IL1F10: variants seen among roughly 807,000 people sequenced by gnomAD.
IL1F10 encodes interleukin 1 family member 10.
Under a neutral mutation model 13.1 loss-of-function variants are expected in IL1F10, and 13 were observed. The observed-to-expected ratio is 0.99, with a 90% CI of 0.64 to 1.57. The LOEUF is 1.57. Among genes scored for constraint, IL1F10 ranks in the 40% most tolerant of loss-of-function variants. The probability of loss-of-function intolerance (pLI) is 0.00; values close to 1 mark genes in which losing one functional copy is unlikely to be tolerated. For missense variants in IL1F10, 191 were observed against 184.1 expected (o/e 1.04, Z -0.22); for synonymous variants, 78 against 68.2 (o/e 1.14, Z -0.71).
At chr2:113,072,612 C>T (rs997544235) in intron 1 of IL1F10, 99 bp from the exon 2 acceptor site, 12 of 731,016 alleles carry the variant, frequency 1.6e-5, no homozygotes, top group Middle Eastern at 2.6e-4. Context: ...GCCTGGGGAA[C>T]CCGTGCAGCC....
At chr2:113,070,022 G>A (rs1362618722) in intron 1 of IL1F10, among the ~76,000 whole-genome samples, 1 of 152,212 alleles carries the variant, frequency 6.6e-6, no homozygotes, top group Non-Finnish European at 1.5e-5. Context: ...CATGGGGAAA[G>A]CCCAAGTTTA....
intron 3 of IL1F10, 31 bp from the exon 4 acceptor site, chr2:113,074,692 T>C (rs753439628): frequency 6.2e-7 from 1 of 1,612,832 alleles, no homozygotes; most frequent in Admixed American, 1.7e-5. Flanking sequence ...GGTTCCCTTG[T>C]CCCTTGACTC....
intron 1 of IL1F10, among the ~76,000 whole-genome samples, chr2:113,071,546 G>A (rs1476828348): frequency 6.6e-6 from 1 of 152,156 alleles, no homozygotes; most frequent in Admixed American, 6.5e-5. Flanking sequence ...TTCACTCTAA[G>A]TCTCAAAGTC....
At position 113,075,341 on chromosome 2, in the gene IL1F10, T is replaced by C; in HGVS notation, c.436T>C (p.Phe146Leu). The C allele has an allele frequency of 6.3e-7, 1 of 1,589,236 alleles. No homozygotes were observed. The highest frequency in any genetic ancestry group is 8.6e-7 in the Non-Finnish European group (1 of 1,162,674). The change falls in exon 5 of 5, where the codon TTT becomes CTT. Residue 146 changes from phenylalanine (F) to leucine (L), a missense_variant. Coordinates refer to ENST00000341010, the MANE Select transcript of IL1F10 (RefSeq NM_173161.3). ...GAGTGAGCCCTCAGCCCGTACCAAG[T>C]TTTACTTTGAACAGAGCTGGTAGGG... is the stretch of plus-strand genomic sequence containing the variant. Reference protein sequence around the residue: ...KESEPSARTKFYFEQSW With the variant: ...KESEPSARTKLYFEQSW
At chr2:113,073,949 C>A (rs1685889835) in intron 2 of IL1F10, among the ~76,000 whole-genome samples, 1 of 152,078 alleles carries the variant, frequency 6.6e-6, no homozygotes, top group Admixed American at 6.5e-5. Context: ...TAGGGCAGGC[C>A]CAAAAAATTT....
Position 113,075,639 on chromosome 2 carries a change from T to C in IL1F10, c.*275T>C. 1 of 245,518 alleles carries C rather than the reference T, an allele frequency of 4.1e-6. No individual in the cohort carries two copies. The highest frequency in any genetic ancestry group is 7.7e-6 in the Non-Finnish European group (1 of 129,242). 15.2% of individuals were successfully genotyped at this position (245,518 alleles called of 1,614,324 possible). A position where few individuals can be genotyped will look rare whatever the true frequency, so the allele number is the denominator to read the frequency against. ...GTCAGAGAGAGAATGGAAGATACCATGCTTCTAATTTTGAAGATGGAGTGA... is the reference window on the plus strand; with the variant it reads ...GTCAGAGAGAGAATGGAAGATACCACGCTTCTAATTTTGAAGATGGAGTGA... On this transcript the variant is annotated 3_prime_UTR_variant, in exon 5 of 5. Coordinates refer to ENST00000341010, the MANE Select transcript of IL1F10 (RefSeq NM_173161.3).
At chr2:113,070,876 G>C (rs746892531) in intron 1 of IL1F10, among the ~76,000 whole-genome samples, 2 of 152,188 alleles carry the variant, frequency 1.3e-5, no homozygotes, top group Non-Finnish European at 2.9e-5. Context: ...AAGCAGCATG[G>C]CTGATTGCTG....
At chr2:113,068,922 C>T (rs1406875985) in intron 1 of IL1F10, among the ~76,000 whole-genome samples, 1 of 152,146 alleles carries the variant, frequency 6.6e-6, no homozygotes, top group Non-Finnish European at 1.5e-5. Context: ...ACCACATAAT[C>T]TAATCCCATG....
chr2:113,070,008 A>G (rs755114303), intron 1 of IL1F10, among the ~76,000 whole-genome samples: 10 of 152,236 alleles, frequency 6.6e-5, no homozygotes, highest in Non-Finnish European at 1.3e-4. Flanking sequence ...GCTGTGCAAA[A>G]GAACATGGGG....
chr2:113,074,898 C>T, intron 4 of IL1F10, 48 bp downstream of exon 4: 1 of 1,589,024 alleles, frequency 6.3e-7, no homozygotes. Flanking sequence ...CCTGGCCTGA[C>T]CCCTGGGATG....
chr2:113,075,079 A>G (rs1307678128), intron 4 of IL1F10, 73 bp from the exon 5 acceptor site: 1 of 1,426,366 alleles, frequency 7.0e-7, no homozygotes, highest in Non-Finnish European at 9.5e-7. Context: ...TTTTTGGCCA[A>G]GCCCCAGAGG....
intron 1 of IL1F10, among the ~76,000 whole-genome samples, chr2:113,068,842 G>A (rs1015315040): frequency 6.6e-6 from 1 of 152,138 alleles, no homozygotes; most frequent in African/African-American, 2.4e-5. Flanking sequence ...AGTTACAATA[G>A]TAAGGGAAAG....
chr2:113,074,742 T>C lies in IL1F10; in HGVS notation c.138T>C (p.Pro46=). The change falls in exon 4 of 5, where the codon CCT becomes CCC. Residue 46 remains proline, a synonymous_variant. Coordinates refer to ENST00000341010, the MANE Select transcript of IL1F10 (RefSeq NM_173161.3). ...NCCAEKICIL[P]NRGLARTKVP... The stretch of plus-strand genomic sequence containing the variant: ...TCCTAGAGAAGATCTGCATACTTCC[T>C]AACAGAGGCTTGGCCCGCACCAAGG... 6.2e-7 allele frequency: 1 copy of C among 1,613,700 alleles called. No individual in the cohort carries two copies. The highest frequency in any genetic ancestry group is 2.2e-5 in the East Asian group (1 of 44,880).
At chr2:113,075,035 G>A (rs1685911957) in intron 4 of IL1F10, 117 bp from the exon 5 acceptor site, 1 of 1,238,130 alleles carries the variant, frequency 8.1e-7, no homozygotes, top group Admixed American at 2.1e-5. Flanking sequence ...GCAGAAGGCA[G>A]TCCCTTGGGT....
chr2:113,073,350 G>A (rs1004184507), intron 2 of IL1F10, among the ~76,000 whole-genome samples: 2 of 152,214 alleles, frequency 1.3e-5, no homozygotes, highest in African/African-American at 4.8e-5. Flanking sequence ...ACTCTGGGAT[G>A]CATTTCCTCT....
intron 1 of IL1F10, among the ~76,000 whole-genome samples, chr2:113,070,220 C>T (rs1685809346): frequency 1.3e-5 from 2 of 152,154 alleles, no homozygotes; most frequent in Non-Finnish European, 2.9e-5. Flanking sequence ...GGGCTTGGCA[C>T]ACAGCAGAGG....
chr2:113,074,226 G>A lies in IL1F10; in HGVS notation c.33-103G>A, dbSNP rs528218934. 829 of 738,004 alleles carry A rather than the reference G, an allele frequency of 1.1e-3. 12 individuals are homozygous for A. The South Asian group carries it at 0.013, about 11-fold the overall frequency. The allele number at this position is 738,004 out of a possible 1,614,324, so 45.7% of individuals were successfully genotyped here. On this transcript the variant is annotated intron_variant, in intron 2 of 4. Transcript: ENST00000341010. ...TACCACCTGTGAAGGAGAGAAAATCGCCCAAATGCTCAAGGTGGTGATTCA... is the reference window on the plus strand; with the variant it reads ...TACCACCTGTGAAGGAGAGAAAATCACCCAAATGCTCAAGGTGGTGATTCA...
At chr2:113,074,626 C>A (rs772224080) in intron 3 of IL1F10, 97 bp from the exon 4 acceptor site, 4 of 1,469,232 alleles carry the variant, frequency 2.7e-6, no homozygotes, top group East Asian at 2.3e-5. Flanking sequence ...GCCAGGTGTG[C>A]CCATGTCCAG....
intron 2 of IL1F10, among the ~76,000 whole-genome samples, chr2:113,073,409 T>C (rs1685873625): frequency 1.3e-5 from 2 of 151,812 alleles, no homozygotes. Context: ...CTGGACAAGG[T>C]GGGTGGGGAG....
Sources: allele counts gnomAD v4.1 joint callset (sites outside exome capture counted in the v4.1 genomes callset), GRCh38; gene constraint gnomAD v4.1.1; transcripts MANE v1.5; gene names NCBI Gene and HGNC (gene_info 2026-07-23, HGNC 2026-07-21).